The following CPNE8 variants were observed in gnomAD, a reference collection of about 807,000 sequenced individuals.
The protein encoded by CPNE8 is copine-8.
In CPNE8, 45 loss-of-function variants were observed where a neutral mutation model predicts 81.5. The ratio of observed to expected loss-of-function variants is 0.55; its 90% CI spans 0.44 to 0.71. The LOEUF is 0.71. Among genes scored for constraint, CPNE8 ranks in the 30% least tolerant of loss-of-function variants. The pLI is 0.00. For synonymous variants in CPNE8, 252 were observed against 226.3 expected (o/e 1.11, Z -1.02); for missense variants, 594 against 672.1 (o/e 0.88, Z 1.28).
intron 1 of CPNE8, among the ~76,000 whole-genome samples, chr12:38,895,927 A>G (rs1254957060): frequency 6.6e-6 from 1 of 152,118 alleles, no homozygotes; most frequent in African/African-American, 2.4e-5. Flanking sequence ...TACGTGACTT[A>G]AACCAAATTA....
chr12:38,794,471 A>G (rs370132506), intron 6 of CPNE8, among the ~76,000 whole-genome samples: 3 of 152,132 alleles, frequency 2.0e-5, no homozygotes, highest in African/African-American at 7.2e-5. Flanking sequence ...ACTCCTCCCA[A>G]TCTGATTTAA....
rs545632866 is a variant in CPNE8 at position 38,668,997 on chromosome 12, T to A, written c.1506+1732A>T. On this transcript the variant is annotated intron_variant, in intron 19 of 19. Transcript: ENST00000331366. ...TTAACCCAGGAGACGGAGCTTGCAG[T>A]GAGCCGAGATCACACCACTGCACTC... Among the ~76,000 whole-genome samples, 6 of 150,406 alleles carry A rather than the reference T, an allele frequency of 4.0e-5. No individual in the cohort carries two copies. In the South Asian group the frequency reaches 1.3e-3, roughly 32 times the overall value.
intron 19 of CPNE8, among the ~76,000 whole-genome samples, chr12:38,659,958 T>C (rs558257156): frequency 9.2e-5 from 14 of 152,110 alleles, no homozygotes; most frequent in Admixed American, 7.2e-4. Flanking sequence ...CTCAATGAAA[T>C]AAAAGAGGAC....
chr12:38,665,825 G>C (rs1221070248), intron 19 of CPNE8, among the ~76,000 whole-genome samples: 2 of 152,016 alleles, frequency 1.3e-5, no homozygotes, highest in African/African-American at 4.8e-5. Flanking sequence ...AAGTCTCATT[G>C]CCTCAATATT....
At chr12:38,679,694 T>C in intron 16 of CPNE8, 2 of 985,074 alleles carry the variant, frequency 2.0e-6, no homozygotes, top group Non-Finnish European at 2.4e-6. Context: ...GTTGGCACAT[T>C]GTTGCACTTT....
chr12:38,717,594 C>T (rs995118351), intron 13 of CPNE8, among the ~76,000 whole-genome samples: 7 of 151,158 alleles, frequency 4.6e-5, no homozygotes, highest in Admixed American at 2.0e-4. Context: ...CTCACTTATA[C>T]GCAGAAGGTA....
At chr12:38,764,616 C>CAA (rs1247038606) in intron 8 of CPNE8, among the ~76,000 whole-genome samples, 528 of 43,586 alleles carry the variant, frequency 0.012, 3 homozygotes, top group Non-Finnish European at 0.017. Flanking sequence ...GACTCCGTCT[C>CAA]AAAAAAAAAA....
chr12:38,733,195 T>G (rs1312868825), intron 10 of CPNE8, among the ~76,000 whole-genome samples: 1 of 151,974 alleles, frequency 6.6e-6, no homozygotes, highest in Non-Finnish European at 1.5e-5. Context: ...CAGGCCAATT[T>G]TGTTATAGAT....
intron 3 of CPNE8, among the ~76,000 whole-genome samples, chr12:38,868,721 C>T (rs528469237): frequency 2.6e-5 from 4 of 152,270 alleles, no homozygotes; most frequent in African/African-American, 4.8e-5. Flanking sequence ...TCTCTCCAAA[C>T]TTTGCTTAAA....
intron 10 of CPNE8, among the ~76,000 whole-genome samples, chr12:38,742,513 A>T (rs1011882400): frequency 7.7e-6 from 1 of 130,338 alleles, no homozygotes; most frequent in Non-Finnish European, 1.6e-5. Context: ...GGAACATCAC[A>T]CACTGGGTCC....
At chr12:38,740,568 A>G (rs1592052574) in intron 10 of CPNE8, among the ~76,000 whole-genome samples, 1 of 152,220 alleles carries the variant, frequency 6.6e-6, no homozygotes, top group Non-Finnish European at 1.5e-5. Flanking sequence ...GATACGTCCC[A>G]TCAATACCTA....
chr12:38,734,562 A>G (rs1343848219), intron 10 of CPNE8, among the ~76,000 whole-genome samples: 1 of 152,014 alleles, frequency 6.6e-6, no homozygotes, highest in Non-Finnish European at 1.5e-5. Flanking sequence ...ATATGGACCA[A>G]TGGCAAATAC....
chr12:38,863,569 G>GCCTGT (rs1204013007), intron 3 of CPNE8, among the ~76,000 whole-genome samples: 37 of 152,234 alleles, frequency 2.4e-4, no homozygotes, highest in African/African-American at 8.9e-4. Flanking sequence ...CTAACAAATA[G>GCCTGT]TAGCAAAGCC....
chr12:38,714,460 A>G (rs1045588523), intron 13 of CPNE8, among the ~76,000 whole-genome samples: 2 of 152,098 alleles, frequency 1.3e-5, no homozygotes, highest in African/African-American at 4.8e-5. Flanking sequence ...ACAGAGTGTG[A>G]TTAAAAATGA....
chr12:38,865,145 TA>T (rs1393721940), intron 3 of CPNE8, among the ~76,000 whole-genome samples: 1 of 152,142 alleles, frequency 6.6e-6, no homozygotes, highest in East Asian at 1.9e-4. Context: ...AGAATGGAAA[TA>T]TTTTTTAAAC....
intron 3 of CPNE8, among the ~76,000 whole-genome samples, chr12:38,867,305 AGT>A (rs35874005): frequency 0.082 from 10,918 of 132,426 alleles, 467 homozygotes; most frequent in East Asian, 0.17. Context: ...TGAATAGTAT[AGT>A]GTGTGTGTGT....
intron 1 of CPNE8, among the ~76,000 whole-genome samples, chr12:38,900,175 T>TA (rs1944439737): frequency 6.7e-6 from 1 of 149,762 alleles, no homozygotes; most frequent in African/African-American, 2.4e-5. Flanking sequence ...AACACCCTAG[T>TA]AGGGTGGGTT....
chr12:38,677,593 T>C, intron 16 of CPNE8, 39 bp from the exon 17 acceptor site: 1 of 1,145,516 alleles, frequency 8.7e-7, no homozygotes, highest in Non-Finnish European at 1.3e-6. Flanking sequence ...TAAAACAGTT[T>C]TCTATATGTG....
At chr12:38,892,782 A>T (rs1473348210) in intron 1 of CPNE8, among the ~76,000 whole-genome samples, 1 of 152,208 alleles carries the variant, frequency 6.6e-6, no homozygotes, top group Admixed American at 6.5e-5. Context: ...ATGATTTTTT[A>T]AAAGTAACAT....
Sources: allele counts gnomAD v4.1 joint callset (sites outside exome capture counted in the v4.1 genomes callset), GRCh38; gene constraint gnomAD v4.1.1; transcripts MANE v1.5; gene names NCBI Gene and HGNC (gene_info 2026-07-23, HGNC 2026-07-21).